The following SORCS2 variants were observed in gnomAD, a reference collection of about 807,000 sequenced individuals.
SORCS2 encodes the protein VPS10 domain-containing receptor SorCS2.
In SORCS2, 100 loss-of-function variants were observed where a neutral mutation model predicts 141.6. The observed-to-expected ratio is 0.71, with a 90% CI of 0.60 to 0.83. The LOEUF (loss-of-function observed/expected upper bound fraction) is 0.83, where lower values mean the gene tolerates loss of function less well. Among genes scored for constraint, SORCS2 ranks in the 40% least tolerant of loss-of-function variants. The probability of loss-of-function intolerance (pLI) is 0.00; values close to 1 mark genes in which losing one functional copy is unlikely to be tolerated. For missense variants in SORCS2, 1,646 were observed against 1,560.2 expected (o/e 1.05, Z -0.93); for synonymous variants, 789 against 676.9 (o/e 1.17, Z -2.57).
intron 2 of SORCS2, among the ~76,000 whole-genome samples, chr4:7,481,572 G>A (rs539029864): frequency 7.2e-5 from 11 of 152,266 alleles, no homozygotes; most frequent in Admixed American, 1.3e-4. Flanking sequence ...TGAATGTAAC[G>A]TTGACCATTG....
At chr4:7,553,388 A>G (rs1713868008) in intron 3 of SORCS2, among the ~76,000 whole-genome samples, 1 of 152,244 alleles carries the variant, frequency 6.6e-6, no homozygotes, top group Admixed American at 6.5e-5. Flanking sequence ...CATTACAAAC[A>G]TATTTTCAGT....
chr4:7,548,845 G>A, intron 3 of SORCS2, among the ~76,000 whole-genome samples: 1 of 152,200 alleles, frequency 6.6e-6, no homozygotes, highest in Admixed American at 6.5e-5. Flanking sequence ...GAGACACTGA[G>A]GAAGGCAATA....
chr4:7,459,532 A>G (rs915068055), intron 2 of SORCS2, among the ~76,000 whole-genome samples: 21 of 152,136 alleles, frequency 1.4e-4, no homozygotes, highest in African/African-American at 4.8e-4. Flanking sequence ...GCCGGGCCCC[A>G]TGGTGGTTAG....
chr4:7,464,581 G>A (rs960155244), intron 2 of SORCS2, among the ~76,000 whole-genome samples: 7 of 152,144 alleles, frequency 4.6e-5, no homozygotes, highest in African/African-American at 1.2e-4. Flanking sequence ...AGTCTAGAAC[G>A]GTGTGTGTTG....
At chr4:7,442,630 C>T (rs1186192603) in intron 2 of SORCS2, among the ~76,000 whole-genome samples, 1 of 136,538 alleles carries the variant, frequency 7.3e-6, no homozygotes, top group Non-Finnish European at 1.6e-5. Context: ...AGATGACCCT[C>T]CACCCCCTCC....
chr4:7,227,272 G>A (rs550695342), intron 1 of SORCS2, among the ~76,000 whole-genome samples: 2 of 152,342 alleles, frequency 1.3e-5, no homozygotes, highest in South Asian at 4.1e-4. Flanking sequence ...CTTGCAGCCT[G>A]AGGCCTGGCT....
chr4:7,481,741 A>G (rs1298495002), intron 2 of SORCS2, among the ~76,000 whole-genome samples: 1 of 152,144 alleles, frequency 6.6e-6, no homozygotes, highest in African/African-American at 2.4e-5. Flanking sequence ...TTGTGGGAAC[A>G]CAGAGCTGGG....
intron 21 of SORCS2, among the ~76,000 whole-genome samples, chr4:7,727,573 T>A (rs1727312924): frequency 6.6e-6 from 1 of 152,236 alleles, no homozygotes; most frequent in South Asian, 2.1e-4. Flanking sequence ...AGGGTTGGGC[T>A]GCCCACACAG....
chr4:7,491,554 T>C (rs1002361815), intron 2 of SORCS2, among the ~76,000 whole-genome samples: 3 of 152,242 alleles, frequency 2.0e-5, no homozygotes. Flanking sequence ...GGGAACACCT[T>C]GGCTAGGACC....
intron 3 of SORCS2, among the ~76,000 whole-genome samples, chr4:7,615,135 T>G (rs1338905629): frequency 2.6e-5 from 4 of 152,226 alleles, no homozygotes; most frequent in African/African-American, 9.6e-5. Context: ...TTCATCCATC[T>G]GCCATCCATT....
At chr4:7,405,482 G>A (rs1724909110) in intron 2 of SORCS2, among the ~76,000 whole-genome samples, 1 of 152,132 alleles carries the variant, frequency 6.6e-6, no homozygotes, top group Non-Finnish European at 1.5e-5. Flanking sequence ...TCTAATCCAT[G>A]AGTATGAAAT....
intron 3 of SORCS2, among the ~76,000 whole-genome samples, chr4:7,588,573 C>CT (rs1249490198): frequency 6.6e-6 from 1 of 152,174 alleles, no homozygotes; most frequent in African/African-American, 2.4e-5. Flanking sequence ...AAGAGCCCCC[C>CT]TCTGACCTTG....
intron 19 of SORCS2, 60 bp from the exon 20 acceptor site, chr4:7,725,094 G>C: frequency 1.3e-6 from 2 of 1,558,806 alleles, no homozygotes; most frequent in Admixed American, 3.6e-5. Context: ...TCACTAAGCA[G>C]CCTCTGAAAT....
chr4:7,360,343 G>A (rs1026406953), intron 1 of SORCS2, among the ~76,000 whole-genome samples: 1 of 152,170 alleles, frequency 6.6e-6, no homozygotes, highest in South Asian at 2.1e-4. Flanking sequence ...CAGGGAAGGG[G>A]TCCCAACCCT....
chr4:7,510,551 C>T (rs1019762674), intron 2 of SORCS2, among the ~76,000 whole-genome samples: 11 of 151,946 alleles, frequency 7.2e-5, no homozygotes, highest in Non-Finnish European at 1.5e-4. Flanking sequence ...CTGTTCTGTG[C>T]GCGGCATGTC....
chr4:7,724,597 A>ATGG (rs1200583263), intron 19 of SORCS2, among the ~76,000 whole-genome samples: 6 of 86,632 alleles, frequency 6.9e-5, no homozygotes, highest in African/African-American at 1.8e-4. Flanking sequence ...GGTGTTGGTG[A>ATGG]TGGTGGTGAT....
At chr4:7,670,441 C>G (rs1329364707) in intron 8 of SORCS2, among the ~76,000 whole-genome samples, 1 of 152,020 alleles carries the variant, frequency 6.6e-6, no homozygotes, top group Non-Finnish European at 1.5e-5. Context: ...TGGGTAAATG[C>G]AAATTTAAAG....
chr4:7,513,960 A>G (rs1341530583), intron 2 of SORCS2, among the ~76,000 whole-genome samples: 1 of 152,074 alleles, frequency 6.6e-6, no homozygotes, highest in African/African-American at 2.4e-5. Flanking sequence ...AGGGCTGTGG[A>G]ATGTGGGTGG....
chr4:7,618,763 T>A (rs1263210121), intron 3 of SORCS2, among the ~76,000 whole-genome samples: 1 of 152,156 alleles, frequency 6.6e-6, no homozygotes, highest in Non-Finnish European at 1.5e-5. Context: ...TACCTTGCTT[T>A]ATATTTGCCG....
Sources: gnomAD v4.1 joint callset for allele counts (sites outside exome capture counted in the v4.1 genomes callset) on GRCh38, gnomAD v4.1.1 for gene constraint, MANE v1.5 for transcripts, NCBI Gene and HGNC (gene_info 2026-07-23, HGNC 2026-07-21) for gene names.